STAU2: variants seen among roughly 807,000 people sequenced by gnomAD.
STAU2 encodes the protein double-stranded RNA-binding protein Staufen homolog 2.
In STAU2, 20 loss-of-function variants were observed where a neutral mutation model predicts 65.9. The ratio of observed to expected loss-of-function variants is 0.30; its 90% CI spans 0.21 to 0.44. STAU2 has a LOEUF of 0.44. STAU2 is among the 20% of genes least tolerant of loss of function. The pLI is 1.00. For missense variants in STAU2, 558 were observed against 683.9 expected (o/e 0.82, Z 2.05); for synonymous variants, 232 against 233.9 (o/e 0.99, Z 0.07).
intron 3 of STAU2, among the ~76,000 whole-genome samples, chr8:73,719,648 A>G (rs2130699820): frequency 6.6e-6 from 1 of 152,316 alleles, no homozygotes; most frequent in Middle Eastern, 3.4e-3. Flanking sequence ...AACCAACCCC[A>G]CATTCCTGGG....
chr8:73,745,169 T>C (rs938484559), intron 1 of STAU2, among the ~76,000 whole-genome samples: 7 of 152,194 alleles, frequency 4.6e-5, no homozygotes, highest in Admixed American at 3.3e-4. Flanking sequence ...ACCAGATAGT[T>C]TGGCATAACT....
chr8:73,709,391 G>A (rs1820734476), intron 3 of STAU2, among the ~76,000 whole-genome samples: 1 of 151,862 alleles, frequency 6.6e-6, no homozygotes, highest in South Asian at 2.1e-4. Flanking sequence ...GTTGTTCTAT[G>A]TATATAACAG....
In STAU2 at chr8:73,421,309, A is replaced by T; in HGVS notation, c.*63T>A. ...TAGTCATTCATTTCCCTGAACACAG[A>T]CACCCTCATGCGTGCTGACAGGTTT... On this transcript the variant is annotated 3_prime_UTR_variant, in exon 15 of 15. Coordinates refer to ENST00000524300, the MANE Select transcript of STAU2 (RefSeq NM_001164380.2). 7.2e-7 allele frequency: 1 copy of T among 1,385,114 alleles called. No individual in the cohort carries two copies. Among genetic ancestry groups the T allele is most frequent in the Non-Finnish European group, 9.9e-7 (1 of 1,009,170 alleles). The allele number at this position is 1,385,114 out of a possible 1,614,324, so 85.8% of individuals were successfully genotyped here. A position where few individuals can be genotyped will look rare whatever the true frequency, so the allele number is the denominator to read the frequency against.
At chr8:73,576,611 G>A (rs1045103922) in intron 12 of STAU2, among the ~76,000 whole-genome samples, 4 of 152,116 alleles carry the variant, frequency 2.6e-5, no homozygotes, top group Admixed American at 2.0e-4. Context: ...CTTAAATTGG[G>A]CGGTGGGTTC....
At chr8:73,641,301 G>T (rs1268716730) in intron 6 of STAU2, among the ~76,000 whole-genome samples, 1 of 152,022 alleles carries the variant, frequency 6.6e-6, no homozygotes, top group African/African-American at 2.4e-5. Flanking sequence ...GGTGGTTGCA[G>T]TGAGCCAAGA....
chr8:73,618,429 G>A (rs1812993035), intron 6 of STAU2, among the ~76,000 whole-genome samples: 2 of 152,180 alleles, frequency 1.3e-5, no homozygotes, highest in Admixed American at 1.3e-4. Context: ...TATACCAGCA[G>A]CAAGGGCAGC....
chr8:73,694,532 G>C (rs1819571150), intron 4 of STAU2, among the ~76,000 whole-genome samples: 1 of 152,308 alleles, frequency 6.6e-6, no homozygotes, highest in East Asian at 1.9e-4. Context: ...AATTACAGAG[G>C]AGGGTAGAGC....
chr8:73,529,298 A>T (rs1327337903), intron 13 of STAU2, among the ~76,000 whole-genome samples: 2 of 152,230 alleles, frequency 1.3e-5, no homozygotes, highest in Non-Finnish European at 2.9e-5. Context: ...TTTATGTAAA[A>T]GCCAATAAAT....
intron 12 of STAU2, among the ~76,000 whole-genome samples, chr8:73,576,345 G>A (rs1334888981): frequency 1.3e-5 from 2 of 152,026 alleles, no homozygotes; most frequent in African/African-American, 2.4e-5. Context: ...ATCTTAAGTG[G>A]GGGGCGGGAG....
At chr8:73,568,139 G>T (rs1378697441) in intron 12 of STAU2, among the ~76,000 whole-genome samples, 1 of 152,114 alleles carries the variant, frequency 6.6e-6, no homozygotes, top group Non-Finnish European at 1.5e-5. Flanking sequence ...TTGATGCTTT[G>T]ACTACTCTCA....
intron 11 of STAU2, among the ~76,000 whole-genome samples, chr8:73,584,728 G>C (rs1269221622): frequency 6.6e-6 from 1 of 152,156 alleles, no homozygotes; most frequent in Non-Finnish European, 1.5e-5. Flanking sequence ...AAAACAGTGA[G>C]ATGAAGAACA....
At chr8:73,669,637 TTC>T (rs34037884) in intron 6 of STAU2, among the ~76,000 whole-genome samples, 79,833 of 141,056 alleles carry the variant, frequency 0.57, 24,042 homozygotes, top group Admixed American at 0.68. Context: ...GAGCCTGGAA[TTC>T]TCTCTCTCTC....
At chr8:73,424,201 C>CTTTTTTTTTTT (rs59063960) in intron 13 of STAU2, among the ~76,000 whole-genome samples, 8 of 115,308 alleles carry the variant, frequency 6.9e-5, no homozygotes, top group African/African-American at 2.1e-4. Flanking sequence ...TCCTCTATGT[C>CTTTTTTTTTTT]TTTTTTTTTT....
intron 13 of STAU2, among the ~76,000 whole-genome samples, chr8:73,516,949 T>C (rs7000714): frequency 0.22 from 34,086 of 152,164 alleles, 4,497 homozygotes; most frequent in Non-Finnish European, 0.31. Flanking sequence ...TAATAATGTA[T>C]CTGGTTTGAT....
At chr8:73,478,046 A>ATAT (rs1554595086) in intron 13 of STAU2, among the ~76,000 whole-genome samples, 10 of 149,070 alleles carry the variant, frequency 6.7e-5, no homozygotes, top group East Asian at 2.0e-4. Flanking sequence ...ATATATATAT[A>ATAT]TTTTTTTTTG....
At chr8:73,473,972 C>T (rs1006282964) in intron 13 of STAU2, among the ~76,000 whole-genome samples, 40 of 152,208 alleles carry the variant, frequency 2.6e-4, no homozygotes, top group African/African-American at 9.6e-4. Flanking sequence ...TGGCGCTTTG[C>T]AAATGAGAAT....
intron 3 of STAU2, among the ~76,000 whole-genome samples, chr8:73,714,865 T>C (rs1821131291): frequency 6.6e-6 from 1 of 152,156 alleles, no homozygotes; most frequent in South Asian, 2.1e-4. Context: ...GCAGATCACC[T>C]GAGGTCAGGA....
At chr8:73,446,848 C>T (rs919218615) in intron 13 of STAU2, among the ~76,000 whole-genome samples, 1 of 152,196 alleles carries the variant, frequency 6.6e-6, no homozygotes, top group Non-Finnish European at 1.5e-5. Context: ...GTCCCCCATA[C>T]TGTCTCACCC....
rs1433825095 is a variant in STAU2 at position 73,590,202 on chromosome 8, A to AGGTGGAGGAAAAGGAGAAGGAAG, written c.1161+4963_1161+4964insCTTCCTTCTCCTTTTCCTCCACC. On this transcript the variant is annotated intron_variant, in intron 11 of 14. Coordinates refer to ENST00000524300, the MANE Select transcript of STAU2 (RefSeq NM_001164380.2). ...GTGGAGGAAAAGGAGAAGGAAGAAA[A>AGGTGGAGGAAAAGGAGAAGGAAG]ATAGAAAGAAGGGAGGAAGAAGGGT... Among the ~76,000 whole-genome samples the AGGTGGAGGAAAAGGAGAAGGAAG allele has an allele frequency of 5.6e-4, 71 of 127,350 alleles. 2 individuals carry two copies. The South Asian group carries it at 0.017, about 31-fold the overall frequency. 83.5% of individuals were successfully genotyped at this position (127,350 alleles called of 152,430 possible). A position where few individuals can be genotyped will look rare whatever the true frequency, so the allele number is the denominator to read the frequency against.
Sources: allele counts gnomAD v4.1 joint callset (sites outside exome capture counted in the v4.1 genomes callset), GRCh38; gene constraint gnomAD v4.1.1; transcripts MANE v1.5; gene names NCBI Gene and HGNC (gene_info 2026-07-23, HGNC 2026-07-21).